Variants in JADE1 observed in about 807,000 individuals in gnomAD.
JADE1 encodes protein Jade-1.
A neutral mutation model predicts 81.8 loss-of-function variants in JADE1; 14 were observed. That is an observed-to-expected ratio of 0.17 (90% CI 0.11 to 0.27). The LOEUF is 0.27. JADE1 is among the 10% of genes least tolerant of loss of function. The pLI, the probability that JADE1 is intolerant of heterozygous loss-of-function variation, is 1.00. For synonymous variants in JADE1, 353 were observed against 391.9 expected, an observed-to-expected ratio of 0.90 and a Z score of 1.17; for missense variants, 690 against 1,047.9, an observed-to-expected ratio of 0.66 and a Z score of 4.71.
intron 5 of JADE1, among the ~76,000 whole-genome samples, chr4:128,849,800 C>A (rs551068389): frequency 6.6e-6 from 1 of 152,176 alleles, no homozygotes; most frequent in Admixed American, 6.5e-5. Flanking sequence ...GGTGTTGAGA[C>A]TGGGATGGCG....
chr4:128,824,012 A>G (rs1456867157), intron 1 of JADE1, among the ~76,000 whole-genome samples: 2 of 152,230 alleles, frequency 1.3e-5, no homozygotes, highest in African/African-American at 4.8e-5. Flanking sequence ...AAAGTGACCA[A>G]TTATTAAGAA....
At chr4:128,864,672 A>G (rs1279189066) in intron 9 of JADE1, 1 of 883,820 alleles carries the variant, frequency 1.1e-6, no homozygotes, top group African/African-American at 1.8e-5. Flanking sequence ...TTTAATTCAC[A>G]CAATATCAGT....
intron 1 of JADE1, among the ~76,000 whole-genome samples, chr4:128,821,355 G>A (rs1295098795): frequency 6.6e-6 from 1 of 152,140 alleles, no homozygotes; most frequent in Non-Finnish European, 1.5e-5. Context: ...GGAAAAGAAT[G>A]ACCTAATTTG....
At chr4:128,830,176 C>T (rs182282239) in intron 1 of JADE1, among the ~76,000 whole-genome samples, 95 of 151,404 alleles carry the variant, frequency 6.3e-4, no homozygotes, top group African/African-American at 2.3e-3. Flanking sequence ...ACACCCAGCC[C>T]GGTTTTCCAC....
intron 8 of JADE1, 30 bp from the exon 9 acceptor site, chr4:128,861,674 A>G (rs566672431): frequency 5.6e-6 from 9 of 1,607,166 alleles, no homozygotes; most frequent in Non-Finnish European, 6.0e-6. Flanking sequence ...ATAATGGTCT[A>G]TTCTCATGTT....
At chr4:128,860,373 A>G (rs1302570613) in intron 8 of JADE1, among the ~76,000 whole-genome samples, 1 of 152,252 alleles carries the variant, frequency 6.6e-6, no homozygotes, top group Non-Finnish European at 1.5e-5. Flanking sequence ...AAGAGACCTC[A>G]TAGTAATGGA....
chr4:128,814,300 G>T (rs1009153267), intron 1 of JADE1, among the ~76,000 whole-genome samples: 6 of 152,190 alleles, frequency 3.9e-5, no homozygotes, highest in African/African-American at 1.4e-4. Context: ...GACTAGGTGA[G>T]AGTAAAAGCA....
chr4:128,852,419 C>G, intron 6 of JADE1, 151 bp downstream of exon 6: 1 of 635,470 alleles, frequency 1.6e-6, no homozygotes, highest in East Asian at 2.7e-5. Context: ...TTATTTTTCC[C>G]TAGTAGGTTC....
At chr4:128,810,324 T>TG (rs916377092) in intron 1 of JADE1, 1 of 151,790 alleles carries the variant, frequency 6.6e-6, no homozygotes, top group African/African-American at 2.4e-5. Flanking sequence ...TTTTCAAATT[T>TG]GGGGGGCTGA....
intron 6 of JADE1, 80 bp downstream of exon 6, chr4:128,852,348 G>C: frequency 1.8e-6 from 2 of 1,134,950 alleles, no homozygotes; most frequent in Non-Finnish European, 2.6e-6. Flanking sequence ...CTGGAGTCCA[G>C]GATTCTTCCT....
At chr4:128,813,713 G>A (rs1726719250) in intron 1 of JADE1, among the ~76,000 whole-genome samples, 1 of 152,096 alleles carries the variant, frequency 6.6e-6, no homozygotes, top group African/African-American at 2.4e-5. Context: ...GAGCCACCAC[G>A]CCCAGCCTGC....
chr4:128,826,514 C>T (rs565037758), intron 1 of JADE1, among the ~76,000 whole-genome samples: 2 of 151,710 alleles, frequency 1.3e-5, no homozygotes, highest in African/African-American at 4.8e-5. Flanking sequence ...TGCATCACCA[C>T]GCCTGGCTAA....
At chr4:128,830,711 AAAG>A (rs1428560494) in intron 1 of JADE1, among the ~76,000 whole-genome samples, 1 of 152,210 alleles carries the variant, frequency 6.6e-6, no homozygotes, top group African/African-American at 2.4e-5. Flanking sequence ...CCAGTGCCCT[AAAG>A]ATGTCAGGTT....
At position 128,857,570 on chromosome 4, in the gene JADE1, C is replaced by G; in HGVS notation, c.981+116C>G. On this transcript the variant is annotated intron_variant, in intron 8 of 10. Transcript: ENST00000226319. Reference sequence around the variant, plus strand: ...GGAGAGGGGACTAGAATCCAGGAAGCAGGACGAGGTTCCCAAGGGGTGACT... The same window carrying G: ...GGAGAGGGGACTAGAATCCAGGAAGGAGGACGAGGTTCCCAAGGGGTGACT... 3 of 799,324 alleles carry G rather than the reference C, an allele frequency of 3.8e-6. No homozygotes were observed. In the South Asian group the frequency reaches 5.0e-5, roughly 13 times the overall value. The allele number at this position is 799,324 out of a possible 1,614,324, so 49.5% of individuals were successfully genotyped here.
At chr4:128,818,274 C>T (rs1727227451) in intron 1 of JADE1, among the ~76,000 whole-genome samples, 1 of 152,100 alleles carries the variant, frequency 6.6e-6, no homozygotes, top group Non-Finnish European at 1.5e-5. Context: ...GCGTGTGCCA[C>T]CATGCCCTGC....
intron 5 of JADE1, among the ~76,000 whole-genome samples, chr4:128,851,439 T>C (rs1236075661): frequency 6.6e-6 from 1 of 152,240 alleles, no homozygotes; most frequent in Non-Finnish European, 1.5e-5. Flanking sequence ...TTATGTGTAA[T>C]GAGTATAATG....
At chr4:128,821,084 G>A (rs1345052074) in intron 1 of JADE1, among the ~76,000 whole-genome samples, 1 of 152,136 alleles carries the variant, frequency 6.6e-6, no homozygotes, top group Non-Finnish European at 1.5e-5. Context: ...AAGTGTGTAG[G>A]TTTGTATTAT....
At chr4:128,818,503 T>A (rs1727253744) in intron 1 of JADE1, among the ~76,000 whole-genome samples, 1 of 152,160 alleles carries the variant, frequency 6.6e-6, no homozygotes, top group Admixed American at 6.5e-5. Context: ...ACCTGGTAAT[T>A]GATTCACATT....
chr4:128,869,572 TTGAGTTA>T (rs1732036541), intron 10 of JADE1, among the ~76,000 whole-genome samples: 6 of 152,226 alleles, frequency 3.9e-5, no homozygotes, highest in Admixed American at 3.9e-4. Flanking sequence ...CTGGTTTCAT[TTGAGTTA>T]TTTCTCATGG....
Sources: gnomAD v4.1 joint callset for allele counts (sites outside exome capture counted in the v4.1 genomes callset) on GRCh38, gnomAD v4.1.1 for gene constraint, MANE v1.5 for transcripts, NCBI Gene and HGNC (gene_info 2026-07-23, HGNC 2026-07-21) for gene names.